KIF13A: variants seen among roughly 807,000 people sequenced by gnomAD.
KIF13A encodes the protein kinesin-like protein KIF13A.
Under a neutral mutation model 212.2 loss-of-function variants are expected in KIF13A, and 79 were observed. The observed-to-expected ratio is 0.37, with a 90% confidence interval of 0.31 to 0.45. KIF13A has a LOEUF of 0.45. Ranked by LOEUF, KIF13A falls within the 20% of genes least tolerant of loss-of-function variation. The probability of loss-of-function intolerance (pLI) is 1.00; values close to 1 mark genes in which losing one functional copy is unlikely to be tolerated. For missense variants in KIF13A, 1,901 were observed against 2,209.0 expected, an observed-to-expected ratio of 0.86 and a Z score of 2.79; for synonymous variants, 789 against 808.6, an observed-to-expected ratio of 0.98 and a Z score of 0.41.
chr6:17,928,553 G>A (rs116767864), intron 2 of KIF13A, among the ~76,000 whole-genome samples: 245 of 152,276 alleles, frequency 1.6e-3, no homozygotes, highest in African/African-American at 5.2e-3. Flanking sequence ...AAGGAAATCC[G>A]GAGTTCACTT....
intron 3 of KIF13A, among the ~76,000 whole-genome samples, chr6:17,893,567 T>C (rs1205701099): frequency 6.6e-6 from 1 of 152,212 alleles, no homozygotes; most frequent in Non-Finnish European, 1.5e-5. Flanking sequence ...ATCTTGAATT[T>C]CCTTTACTTC....
At chr6:17,978,485 G>T (rs1002992637) in intron 2 of KIF13A, among the ~76,000 whole-genome samples, 1 of 152,128 alleles carries the variant, frequency 6.6e-6, no homozygotes, top group Non-Finnish European at 1.5e-5. Flanking sequence ...TTTGTTGATA[G>T]CTCTGACATT....
chr6:17,804,811 TAAAAAAAAAAAAAAAAAA>T (rs56785510), intron 19 of KIF13A, among the ~76,000 whole-genome samples: 9 of 23,302 alleles, frequency 3.9e-4, no homozygotes, highest in East Asian at 6.1e-3. Context: ...CTGTCTCCAT[TAAAAAAAAAAAAAAAAAA>T]AAAAAAAAAA....
rs1231528131 is a variant in KIF13A at position 17,963,253 on chromosome 6, A to G, written c.146+23801T>C. 2.0e-5 allele frequency among the ~76,000 whole-genome samples: 3 copies of G among 152,114 alleles called. No individual in the cohort carries two copies. Among genetic ancestry groups the G allele is most frequent in the Non-Finnish European group, 4.4e-5 (3 of 68,032 alleles). On this transcript the variant is annotated intron_variant, in intron 2 of 38. Transcript: ENST00000259711. This position sits in a 1 kb window ranked among gnomAD's most constrained non-coding sequence, Gnocchi z 4.1. ...GCCAACATGGCGAAGCTCCGTCTCT[A>G]CTAAAAATACAAAAATTAGCTGGGC...
intron 2 of KIF13A, among the ~76,000 whole-genome samples, chr6:17,955,016 C>T (rs975586971): frequency 6.6e-6 from 1 of 152,026 alleles, no homozygotes; most frequent in South Asian, 2.1e-4. Context: ...TGGAATATCT[C>T]TCTACAAAAA....
chr6:17,847,634 A>G (rs1463509314), intron 9 of KIF13A, among the ~76,000 whole-genome samples: 1 of 152,196 alleles, frequency 6.6e-6, no homozygotes, highest in Non-Finnish European at 1.5e-5. Flanking sequence ...GAAAAAGATT[A>G]CAAGTACACA....
chr6:17,813,460 T>G (rs1763614142), intron 17 of KIF13A, among the ~76,000 whole-genome samples: 1 of 152,110 alleles, frequency 6.6e-6, no homozygotes, highest in African/African-American at 2.4e-5. Flanking sequence ...AGCCTTGCAC[T>G]CTAGCCTGGG....
intron 3 of KIF13A, among the ~76,000 whole-genome samples, chr6:17,876,154 T>C (rs1770538261): frequency 6.6e-6 from 1 of 152,204 alleles, no homozygotes; most frequent in Non-Finnish European, 1.5e-5. Flanking sequence ...GCTACCTTCC[T>C]GGGCTCACTG....
chr6:17,859,620 T>TTTTATATATATATATATATATATATATA (rs1485260645), intron 4 of KIF13A, among the ~76,000 whole-genome samples: 11 of 131,536 alleles, frequency 8.4e-5, no homozygotes, highest in Admixed American at 2.2e-4. Context: ...GCAATGTATT[T>TTTTATATATATATATATATATATATATA]TATATATATA....
intron 17 of KIF13A, among the ~76,000 whole-genome samples, chr6:17,813,784 C>T (rs1011252237): frequency 1.3e-5 from 2 of 152,062 alleles, no homozygotes; most frequent in African/African-American, 4.8e-5. Context: ...CTGATCCCAT[C>T]GCCCAATTTA....
chr6:17,842,007 G>GTATATACACATACA (rs1766570412), intron 9 of KIF13A, among the ~76,000 whole-genome samples: 1 of 135,858 alleles, frequency 7.4e-6, no homozygotes. Flanking sequence ...ATACGTGTGT[G>GTATATACACATACA]TGTGTGTGTG....
chr6:17,864,132 C>T (rs192617987), intron 4 of KIF13A, among the ~76,000 whole-genome samples: 2 of 152,292 alleles, frequency 1.3e-5, no homozygotes, highest in African/African-American at 4.8e-5. Context: ...TTGTTTCTAT[C>T]CCAGACAATC....
chr6:17,813,211 G>T (rs1284489406), intron 17 of KIF13A, among the ~76,000 whole-genome samples: 1 of 152,150 alleles, frequency 6.6e-6, no homozygotes, highest in Admixed American at 6.6e-5. Context: ...CTGGTGCAGT[G>T]GCTCACGCTT....
intron 11 of KIF13A, among the ~76,000 whole-genome samples, chr6:17,836,458 G>A (rs1050831785): frequency 1.3e-5 from 2 of 152,238 alleles, no homozygotes; most frequent in African/African-American, 4.8e-5. Context: ...TCCTAGGACA[G>A]AGTATGGTAT....
chr6:17,908,572 C>T (rs1013917129), intron 2 of KIF13A, among the ~76,000 whole-genome samples: 5 of 151,880 alleles, frequency 3.3e-5, no homozygotes, highest in Non-Finnish European at 5.9e-5. Flanking sequence ...CCACCGCACT[C>T]GAGCCTAGGC....
chr6:17,836,362 G>A lies in KIF13A; in HGVS notation c.1155+516C>T, dbSNP rs138257026. Among the ~76,000 whole-genome samples, 1,181 of 152,304 alleles carry A rather than the reference G, an allele frequency of 7.8e-3. 2 individuals carry two copies. Among genetic ancestry groups the A allele is most frequent in the Non-Finnish European group, 0.012 (793 of 68,034 alleles). On this transcript the variant is annotated intron_variant, in intron 11 of 38. Coordinates refer to ENST00000259711, the MANE Select transcript of KIF13A (RefSeq NM_022113.6). The stretch of plus-strand genomic sequence containing the variant: ...TAAACAACATACTTTCCCACTGAAA[G>A]TTCAAAGGCCAACTGATTTAGGGAA...
rs1209940661 is a variant in KIF13A, at chr6:17,809,354, CA to C, written c.2001-425del. ...TATTTTTCATGACTTCTGCAGTTGG[CA>C]AAAGGCATGCAATGGTAAGGTAGTT... is the stretch of plus-strand genomic sequence containing the variant. On this transcript the variant is annotated intron_variant, in intron 17 of 38. Transcript: ENST00000259711. The surrounding 1 kb of genome is among the most constrained non-coding windows in gnomAD (Gnocchi z 4.7). Among the ~76,000 whole-genome samples, 8 of 152,232 alleles carry C rather than the reference CA, an allele frequency of 5.3e-5. No homozygotes were observed. Among genetic ancestry groups the C allele is most frequent in the African/African-American group, 1.9e-4 (8 of 41,524 alleles).
At chr6:17,953,506 A>C (rs959180032) in intron 2 of KIF13A, 11 of 152,236 alleles carry the variant, frequency 7.2e-5, no homozygotes, top group Admixed American at 7.2e-4. Context: ...CTCTGCCTCC[A>C]CCAAGTTCAG....
chr6:17,901,348 A>T (rs1581680307), intron 2 of KIF13A, among the ~76,000 whole-genome samples: 1 of 152,162 alleles, frequency 6.6e-6, no homozygotes, highest in African/African-American at 2.4e-5. Flanking sequence ...ATGTAAAAAT[A>T]AAAAAATTCA....
Sources: allele counts gnomAD v4.1 joint callset (sites outside exome capture counted in the v4.1 genomes callset), GRCh38; gene constraint gnomAD v4.1.1; non-coding constraint Gnocchi (gnomAD v3.1); transcripts MANE v1.5; gene names NCBI Gene and HGNC (gene_info 2026-07-23, HGNC 2026-07-21).